Variants in HS6ST2 observed in about 807,000 individuals in gnomAD.
HS6ST2 encodes heparan sulfate 6-O-sulfotransferase 2.
Under a neutral mutation model 33.0 loss-of-function variants are expected in HS6ST2, and 17 were observed. The ratio of observed to expected loss-of-function variants is 0.52; its 90% CI spans 0.35 to 0.77. The LOEUF (loss-of-function observed/expected upper bound fraction) is 0.77. Ranked by LOEUF, HS6ST2 falls within the 30% of genes least tolerant of loss-of-function variation. The pLI, the probability that HS6ST2 is intolerant of heterozygous loss-of-function variation, is 0.01. For synonymous variants in HS6ST2, 248 were observed against 237.1 expected (o/e 1.05, Z -0.42); for missense variants, 519 against 551.7 (o/e 0.94, Z 0.59).
At chrX:132,864,656 A>G (rs1031122619) in intron 2 of HS6ST2, among the ~76,000 whole-genome samples, 2 of 111,001 alleles carry the variant, frequency 1.8e-5, no homozygotes, top group Non-Finnish European at 1.9e-5. Flanking sequence ...ATTGATGGGA[A>G]GAATGGAACC....
At chrX:132,839,839 G>C (rs769506625) in intron 2 of HS6ST2, among the ~76,000 whole-genome samples, 1 of 111,079 alleles carries the variant, frequency 9.0e-6, no homozygotes, top group Non-Finnish European at 1.9e-5. Flanking sequence ...ACCTCTGGCC[G>C]GGCACGGTGG....
At position 132,958,411 on chromosome X, in the gene HS6ST2, G is replaced by A. The variant is rs765888378; in HGVS notation, c.192C>T (p.Thr64=). The change falls in exon 1 of 5, where the codon ACC becomes ACT. Residue 64 remains threonine, a synonymous_variant. Coordinates refer to ENST00000370833, the MANE Select transcript of HS6ST2 (RefSeq NM_001394073.1). ...TTCGGGGCTTGTCCAGGAGCGGCCG[G>A]GTGTGGAATCCGTGAGACACACCCC... ...PPRGVSHGFH[T]RPLLDKPRKA... The A allele has an allele frequency of 2.2e-5, 26 of 1,197,393 alleles. No homozygotes were observed. The highest frequency in any genetic ancestry group is 6.0e-5 in the East Asian group (2 of 33,447).
chrX:132,783,419 C>T (rs959189487), intron 2 of HS6ST2, among the ~76,000 whole-genome samples: 1 of 111,353 alleles, frequency 9.0e-6, no homozygotes, highest in Non-Finnish European at 1.9e-5. Flanking sequence ...GTCTCTTTGT[C>T]AGGAACCTGA....
At chrX:132,653,710 T>C (rs1430288102) in intron 4 of HS6ST2, among the ~76,000 whole-genome samples, 1 of 111,754 alleles carries the variant, frequency 8.9e-6, no homozygotes, top group African/African-American at 3.3e-5. Context: ...CCCTAAGTCA[T>C]TGGAATCTGC....
chrX:132,641,359 G>A (rs1230772220), intron 4 of HS6ST2, among the ~76,000 whole-genome samples: 2 of 112,136 alleles, frequency 1.8e-5, no homozygotes, highest in Non-Finnish European at 3.8e-5. Context: ...GGCCAGGCTG[G>A]TCTCAAACTC....
intron 2 of HS6ST2, among the ~76,000 whole-genome samples, chrX:132,934,055 T>C (rs1415307788): frequency 1.1e-5 from 1 of 88,596 alleles, no homozygotes; most frequent in East Asian, 3.2e-4. Context: ...CATTTGAAGA[T>C]AATAATGTAA....
At chrX:132,774,932 C>T (rs1433301501) in intron 2 of HS6ST2, among the ~76,000 whole-genome samples, 2 of 110,941 alleles carry the variant, frequency 1.8e-5, no homozygotes. Context: ...CTTCCCACCT[C>T]GGCCTCCAAA....
At chrX:132,752,420 C>A (rs1429660327) in intron 2 of HS6ST2, among the ~76,000 whole-genome samples, 1 of 94,723 alleles carries the variant, frequency 1.1e-5, no homozygotes, top group Non-Finnish European at 2.0e-5. Flanking sequence ...TGCAATGAGC[C>A]AAGATTGCAT....
At chrX:132,851,417 A>G (rs1247589033) in intron 2 of HS6ST2, among the ~76,000 whole-genome samples, 1 of 112,452 alleles carries the variant, frequency 8.9e-6, no homozygotes, top group Non-Finnish European at 1.9e-5. Context: ...GCCTGGGTTC[A>G]ACCCCTGACT....
intron 2 of HS6ST2, among the ~76,000 whole-genome samples, chrX:132,815,699 A>G (rs2065387475): frequency 8.9e-6 from 1 of 111,734 alleles, no homozygotes. Flanking sequence ...AGTGCCTCTC[A>G]ATATCAACAT....
chrX:132,698,441 A>T (rs964674333), intron 3 of HS6ST2, among the ~76,000 whole-genome samples: 7 of 111,975 alleles, frequency 6.3e-5, no homozygotes, highest in Non-Finnish European at 1.3e-4. Flanking sequence ...GTAGCTATAG[A>T]TGCCTAAATG....
chrX:132,647,707 G>A (rs200053148), intron 4 of HS6ST2, among the ~76,000 whole-genome samples: 1 of 112,425 alleles, frequency 8.9e-6, no homozygotes, highest in East Asian at 2.8e-4. Context: ...GGATGCAAGA[G>A]GCTTAACCAT....
chrX:132,900,059 G>T (rs1160861059), intron 2 of HS6ST2, among the ~76,000 whole-genome samples: 1 of 111,970 alleles, frequency 8.9e-6, no homozygotes, highest in Admixed American at 9.5e-5. Flanking sequence ...CATCGGTACA[G>T]AGAAACGCTA....
At chrX:132,780,412 G>A (rs1379464323) in intron 2 of HS6ST2, among the ~76,000 whole-genome samples, 1 of 111,125 alleles carries the variant, frequency 9.0e-6, no homozygotes, top group African/African-American at 3.3e-5. Flanking sequence ...CCAAGTGTCA[G>A]GCACTATGCC....
chrX:132,827,036 G>A (rs2065528266), intron 2 of HS6ST2, among the ~76,000 whole-genome samples: 1 of 111,651 alleles, frequency 9.0e-6, no homozygotes, highest in South Asian at 3.8e-4. Context: ...CAAGTGGGGA[G>A]GGTGGCAAAG....
At chrX:132,801,646 T>TAGAA (rs779925858) in intron 2 of HS6ST2, among the ~76,000 whole-genome samples, 152 of 111,595 alleles carry the variant, frequency 1.4e-3, no homozygotes, top group African/African-American at 4.4e-3. Context: ...TGGCCTTCTC[T>TAGAA]TGGGTTCCTT....
chrX:132,737,706 G>A (rs143728771), intron 2 of HS6ST2, among the ~76,000 whole-genome samples: 1,391 of 112,478 alleles, frequency 0.012, 25 homozygotes, highest in African/African-American at 0.043. Context: ...TCAAACCAGC[G>A]GAAGGGGCAA....
At position 132,958,491 on chromosome X, in the gene HS6ST2, A is replaced by G. The variant is rs770687856; in HGVS notation, c.112T>C (p.Leu38=). ...PRRHSRVEAE[L]AASRPGSVAA... ...ACCGACCCGGGCCGGCTCGCTGCCA[A>G]TTCGGCCTCTACTCTGGAATGCCGG... The change falls in exon 1 of 5, where the codon TTG becomes CTG. Residue 38 remains leucine, a synonymous_variant. Coordinates refer to ENST00000370833, the MANE Select transcript of HS6ST2 (RefSeq NM_001394073.1). 1.7e-5 allele frequency: 20 copies of G among 1,195,260 alleles called. No individual in the cohort carries two copies. The Admixed American group carries it at 4.3e-4, about 25-fold the overall frequency.
At chrX:132,896,013 C>T (rs1254070308) in intron 2 of HS6ST2, among the ~76,000 whole-genome samples, 1 of 110,905 alleles carries the variant, frequency 9.0e-6, no homozygotes, top group Non-Finnish European at 1.9e-5. Context: ...TTAATCCAAG[C>T]ATAGAAAGAC....
Sources: allele counts gnomAD v4.1 joint callset (sites outside exome capture counted in the v4.1 genomes callset), GRCh38; gene constraint gnomAD v4.1.1; transcripts MANE v1.5; gene names NCBI Gene and HGNC (gene_info 2026-07-23, HGNC 2026-07-21).